The following NELFE variants were observed in gnomAD, a reference collection of about 807,000 sequenced individuals.
NELFE encodes the protein negative elongation factor complex member E, also known as negative elongation factor E.
A neutral mutation model predicts 55.5 loss-of-function variants in NELFE; 26 were observed. That is an observed-to-expected ratio of 0.47 (90% CI 0.34 to 0.65). NELFE has a LOEUF of 0.65. Among genes scored for constraint, NELFE ranks in the 30% least tolerant of loss-of-function variants. The pLI, the probability that NELFE is intolerant of heterozygous loss-of-function variation, is 0.01. For missense variants in NELFE, 403 were observed against 506.9 expected (o/e 0.80, Z 1.97); for synonymous variants, 162 against 178.0 (o/e 0.91, Z 0.72).
Position 31,954,174 on chromosome 6 carries a change from G to T in NELFE, c.888-40C>A. ...AACACGGTCAGTGGAGAGCCAAGGG[G>T]CTCTTCTGGACCCAACCAAACCCAG... On this transcript the variant is annotated intron_variant, in intron 8 of 10. Transcript: ENST00000375429. The surrounding 1 kb of genome is among the most constrained non-coding windows in gnomAD (Gnocchi z 5.5). 6.2e-7 allele frequency: 1 copy of T among 1,612,812 alleles called. No homozygotes were observed. Among genetic ancestry groups the T allele is most frequent in the Non-Finnish European group, 8.5e-7 (1 of 1,178,854 alleles).
rs897243140 is a variant in NELFE, at chr6:31,958,956, G to A, written c.-73C>T. The A allele has an allele frequency of 1.7e-6, 1 of 601,504 alleles. No homozygotes were observed. Among genetic ancestry groups the A allele is most frequent in the Admixed American group, 3.1e-5 (1 of 32,318 alleles). The allele number at this position is 601,504 out of a possible 1,614,324, so 37.3% of individuals were successfully genotyped here. A position where few individuals can be genotyped will look rare whatever the true frequency, so the allele number is the denominator to read the frequency against. Reference sequence around the variant, plus strand: ...GCGCCCGCGCTGGCCGCTGATAGCGGGCTCACAACGATGACGTAGCGAGGA... The same window carrying A: ...GCGCCCGCGCTGGCCGCTGATAGCGAGCTCACAACGATGACGTAGCGAGGA... On this transcript the variant is annotated 5_prime_UTR_variant, in exon 1 of 11. Coordinates refer to ENST00000375429, the MANE Select transcript of NELFE (RefSeq NM_002904.6).
At chr6:31,956,646 C>A (rs138321095) in intron 4 of NELFE, 47 bp downstream of exon 4, 2 of 1,553,794 alleles carry the variant, frequency 1.3e-6, no homozygotes, top group South Asian at 1.2e-5. Flanking sequence ...CATCTACATT[C>A]CAACTTGGAG....
At chr6:31,952,458 G>A in intron 10 of NELFE, 60 bp from the exon 11 acceptor site, 1 of 1,281,526 alleles carries the variant, frequency 7.8e-7, no homozygotes, top group Middle Eastern at 2.3e-4. Context: ...AGACCCTGAG[G>A]CTGACTCCTG....
chr6:31,956,904 C>T, intron 3 of NELFE, 37 bp downstream of exon 3: 2 of 1,612,878 alleles, frequency 1.2e-6, no homozygotes, highest in Non-Finnish European at 1.7e-6. Context: ...TCCATGCTGC[C>T]CACTTCCAGT....
At chr6:31,957,910 AG>A (rs1209553254) in intron 2 of NELFE, among the ~76,000 whole-genome samples, 1 of 152,234 alleles carries the variant, frequency 6.6e-6, no homozygotes, top group Non-Finnish European at 1.5e-5. Flanking sequence ...AAGAATAAAC[AG>A]GAAAAATTAC....
chr6:31,958,744 A>G, intron 1 of NELFE, 148 bp downstream of exon 1: 1 of 701,984 alleles, frequency 1.4e-6, no homozygotes, highest in Non-Finnish European at 2.6e-6. Context: ...CGACCCCCCT[A>G]CCCTCGCTAG....
Position 31,953,759 on chromosome 6 carries a change from C to T in NELFE, c.1015G>A (p.Ala339Thr), listed in dbSNP as rs1185123295. 2.5e-6 allele frequency: 4 copies of T among 1,612,960 alleles called. No individual in the cohort carries two copies. The highest frequency in any genetic ancestry group is 2.5e-6 in the Non-Finnish European group (3 of 1,179,952). Residue 339 changes from alanine (A) to threonine (T), a missense_variant, in exon 10 of 11, where the codon GCT (alanine) becomes ACT (threonine). Transcript: ENST00000375429. ...IARKQPMLDAATGKSVWGSLA... is the reference protein window; with the variant it reads ...IARKQPMLDATTGKSVWGSLA... The stretch of plus-strand genomic sequence containing the variant: ...GAGCCCCAGACAGACTTGCCAGTAG[C>T]GGCATCCAGCATGGGCTGTTTTCGG...
In NELFE at chr6:31,954,693, G is replaced by T; in HGVS notation, c.604C>A (p.Arg202=). The T allele has an allele frequency of 6.3e-7, 1 of 1,592,318 alleles. No homozygotes were observed. The highest frequency in any genetic ancestry group is 8.5e-7 in the Non-Finnish European group (1 of 1,171,854). The change falls in exon 7 of 11, where the codon CGG becomes AGG. Residue 202 remains arginine (R), a synonymous_variant. Coordinates refer to ENST00000375429, the MANE Select transcript of NELFE (RefSeq NM_002904.6). This position sits in a 1 kb window ranked among gnomAD's most constrained non-coding sequence, Gnocchi z 5.5. ...HERNRDRDRD[R]ERDRDRDRDR... is the part of the protein sequence containing the mutation. ...CGATCCCGGTCTCGATCCCGCTCCCGATCTCGGTCTCTGTCCCGGTTCCTC... is the reference window on the plus strand; with the variant it reads ...CGATCCCGGTCTCGATCCCGCTCCCTATCTCGGTCTCTGTCCCGGTTCCTC...
At chr6:31,958,053 T>C (rs758588691) in intron 2 of NELFE, among the ~76,000 whole-genome samples, 29 of 152,208 alleles carry the variant, frequency 1.9e-4, no homozygotes, top group Non-Finnish European at 3.7e-4. Flanking sequence ...AATAGAAAGA[T>C]GATAGCTTCA....
rs1374016462 is a variant in NELFE at position 31,957,003 on chromosome 6, G to A, written c.83C>T (p.Ala28Val). ...KFNKLKKKKK[A>V]LLALKKQSSS... ...ACTTTGCTTCTTCAGAGCCAGCAAT[G>A]CCTTTTTCTGGGAACAAGGGTGAGA... The change falls in exon 3 of 11, where the codon GCA becomes GTA. Residue 28 changes from alanine to valine, a missense_variant. Ala to Val is a moderately conservative substitution (Grantham distance 64). Transcript: ENST00000375429. 1.9e-6 allele frequency: 3 copies of A among 1,598,970 alleles called. No homozygotes were observed. The highest frequency in any genetic ancestry group is 1.1e-5 in the South Asian group (1 of 90,646).
intron 4 of NELFE, 119 bp downstream of exon 4, chr6:31,956,574 G>A (rs925437785): frequency 8.3e-6 from 9 of 1,090,832 alleles, no homozygotes; most frequent in Admixed American, 7.3e-5. Context: ...TACATGAGAG[G>A]TGAAACTCAG....
Position 31,956,716 on chromosome 6 carries a change from G to A in NELFE, c.268C>T (p.Arg90Ter), listed in dbSNP as rs200550783. The A allele has an allele frequency of 5.6e-6, 9 of 1,608,694 alleles. No homozygotes were observed. The highest frequency in any genetic ancestry group is 5.1e-6 in the Non-Finnish European group (6 of 1,176,424). The stretch of plus-strand genomic sequence containing the variant: ...ACCTTTAACTTCCCCTCAAGGGTTC[G>A]AGAACGCTTGAAGCCTGAGTTCTTG... ...ETKNSGFKRSRTLEGKLKDPE... is the reference protein window; with the variant it reads ...ETKNSGFKRS Residue 90 changes from arginine to a stop codon, truncating the protein, a stop_gained, in exon 4 of 11, where the codon CGA becomes TGA. Transcript: ENST00000375429. LOFTEE classifies it high-confidence loss of function.
rs1772109856 is a variant in NELFE, at chr6:31,956,732, T to C, written c.252A>G (p.Ser84=). Residue 84 remains serine (S), a synonymous_variant, in exon 4 of 11, where the codon TCA becomes TCG. Transcript: ENST00000375429. ...CAAGGGTTCGAGAACGCTTGAAGCC[T>C]GAGTTCTTGGTCTCAGCCTTGATGG... ...ISAIKAETKN[S]GFKRSRTLEG... 2 of 1,612,178 alleles carry C rather than the reference T, an allele frequency of 1.2e-6. No individual in the cohort carries two copies. The highest frequency in any genetic ancestry group is 1.1e-5 in the South Asian group (1 of 91,072).
chr6:31,953,997 C>T, intron 9 of NELFE, 83 bp downstream of exon 9: 1 of 1,497,922 alleles, frequency 6.7e-7, no homozygotes, highest in Non-Finnish European at 9.2e-7. Context: ...GAGGAACCAA[C>T]TTCTTCCTGG....
Position 31,955,207 on chromosome 6 carries a change from A to G in NELFE, c.366+12T>C, listed in dbSNP as rs768944601. On this transcript the variant is annotated intron_variant, in intron 5 of 10. Coordinates refer to ENST00000375429, the MANE Select transcript of NELFE (RefSeq NM_002904.6). ...CCCCAACCCCTCAGGGACAGAAATT[A>G]GGAGCCTTTACCTCTTGCAGGTCAT... 6.2e-7 allele frequency: 1 copy of G among 1,610,960 alleles called. No individual in the cohort carries two copies. The highest frequency in any genetic ancestry group is 8.5e-7 in the Non-Finnish European group (1 of 1,178,864).
chr6:31,958,827 A>C lies in NELFE; in HGVS notation c.-9+65T>G, dbSNP rs1276661570. 51 of 656,226 alleles carry C rather than the reference A, an allele frequency of 7.8e-5. No homozygotes were observed. In the South Asian group the frequency reaches 8.1e-4, roughly 10 times the overall value. 40.7% of individuals were successfully genotyped at this position (656,226 alleles called of 1,614,324 possible). A position where few individuals can be genotyped will look rare whatever the true frequency, so the allele number is the denominator to read the frequency against. On this transcript the variant is annotated intron_variant, in intron 1 of 10. Transcript: ENST00000375429. ...AGCGTAGCGCCCGCAGAGCAACGCA[A>C]AGAGGAAGAACAGAGAAACGGCTAT...
rs1180944997 is a variant in NELFE, at chr6:31,955,061, C to G, written c.402G>C (p.Glu134Asp). The change falls in exon 6 of 11, where the codon GAG becomes GAC. Residue 134 changes from glutamate (E) to aspartate (D), a missense_variant and splice_region_variant. By Grantham distance (45) the Glu-to-Asp change is conservative. Coordinates refer to ENST00000375429, the MANE Select transcript of NELFE (RefSeq NM_002904.6). Reference protein sequence around the residue: ...SRRPQRKSLYESFVSSSDRLR... With the variant: ...SRRPQRKSLYDSFVSSSDRLR... ...CAGCCTTATCTCTACTCTCTAACCT[C>G]TCATACAGAGATTTCCTCTGGGGAC... 9 of 1,613,198 alleles carry G rather than the reference C, an allele frequency of 5.6e-6. No individual in the cohort carries two copies. Among genetic ancestry groups the G allele is most frequent in the Admixed American group, 1.7e-5 (1 of 60,028 alleles).
chr6:31,958,266 T>G, intron 2 of NELFE, 106 bp downstream of exon 2: 1 of 989,514 alleles, frequency 1.0e-6, no homozygotes, highest in African/African-American at 1.6e-5. Context: ...GATATGTCTC[T>G]AGGTATGGGC....
chr6:31,958,504 G>A (rs753945201), intron 1 of NELFE, 50 bp from the exon 2 acceptor site: 4 of 1,493,672 alleles, frequency 2.7e-6, no homozygotes, highest in South Asian at 2.3e-5. Context: ...TTACCACCCG[G>A]GGTTCACACG....
Sources: allele counts gnomAD v4.1 joint callset (sites outside exome capture counted in the v4.1 genomes callset), GRCh38; gene constraint gnomAD v4.1.1; non-coding constraint Gnocchi (gnomAD v3.1); transcripts MANE v1.5; gene names NCBI Gene and HGNC (gene_info 2026-07-23, HGNC 2026-07-21).